Variants in RGS7 observed in about 807,000 individuals in gnomAD.
RGS7 encodes the protein regulator of G-protein signaling 7.
RGS7 carries 27 observed loss-of-function variants against 81.1 expected under a neutral mutation model. The ratio of observed to expected loss-of-function variants is 0.33; its 90% CI spans 0.25 to 0.46. The LOEUF (loss-of-function observed/expected upper bound fraction) is 0.46. RGS7 is among the 20% of genes least tolerant of loss of function. The pLI is 1.00. For synonymous variants in RGS7, 208 were observed against 207.7 expected (o/e 1.00, Z -0.01); for missense variants, 396 against 607.4 (o/e 0.65, Z 3.66).
chr1:241,136,916 C>T (rs1322361571), intron 2 of RGS7, among the ~76,000 whole-genome samples: 1 of 152,166 alleles, frequency 6.6e-6, no homozygotes, highest in Non-Finnish European at 1.5e-5. Context: ...TGAAGATGAG[C>T]TTTCTGTTAA....
At chr1:241,130,603 T>G (rs1356342456) in intron 2 of RGS7, among the ~76,000 whole-genome samples, 1 of 151,988 alleles carries the variant, frequency 6.6e-6, no homozygotes, top group Non-Finnish European at 1.5e-5. Flanking sequence ...CATGACTTCA[T>G]GCCAAAAAAA....
At chr1:240,894,256 G>C (rs1668690320) in intron 6 of RGS7, among the ~76,000 whole-genome samples, 1 of 152,058 alleles carries the variant, frequency 6.6e-6, no homozygotes, top group Non-Finnish European at 1.5e-5. Flanking sequence ...AGTTTGGGGA[G>C]GTGCATCTAT....
Position 240,952,641 on chromosome 1 carries a change from T to G in RGS7, c.227-15935A>C, listed in dbSNP as rs551513213. Among the ~76,000 whole-genome samples, 3 of 152,024 alleles carry G rather than the reference T, an allele frequency of 2.0e-5. No individual in the cohort carries two copies. The South Asian group carries it at 6.2e-4, about 32-fold the overall frequency. On this transcript the variant is annotated intron_variant, in intron 4 of 18. Transcript: ENST00000440928. ...AAAATGCATGTTTTGTCCAAATGCA[T>G]TGCAATACAATGAACAAAATACATA... is the stretch of plus-strand genomic sequence containing the variant.
intron 5 of RGS7, among the ~76,000 whole-genome samples, chr1:240,933,109 C>G (rs1286151192): frequency 2.6e-5 from 4 of 151,050 alleles, no homozygotes; most frequent in East Asian, 2.0e-4. Context: ...GTCTCCATCT[C>G]CTGACCTCGT....
At chr1:240,886,545 C>A (rs1191992298) in intron 6 of RGS7, among the ~76,000 whole-genome samples, 2 of 152,142 alleles carry the variant, frequency 1.3e-5, no homozygotes, top group Non-Finnish European at 2.9e-5. Context: ...AATATCTGAA[C>A]CTGTTTCCAC....
At chr1:241,317,147 C>A (rs2080927934) in intron 2 of RGS7, among the ~76,000 whole-genome samples, 1 of 151,786 alleles carries the variant, frequency 6.6e-6, no homozygotes, top group South Asian at 2.1e-4. Context: ...GATATGGAGC[C>A]CAGAGATGGG....
chr1:241,157,504 A>T (rs984834772), intron 2 of RGS7, among the ~76,000 whole-genome samples: 16 of 152,198 alleles, frequency 1.1e-4, no homozygotes, highest in African/African-American at 3.9e-4. Context: ...ATTGTCACCT[A>T]CACTCAAGTA....
intron 2 of RGS7, among the ~76,000 whole-genome samples, chr1:241,110,261 T>C (rs2102946926): frequency 6.6e-6 from 1 of 152,320 alleles, no homozygotes; most frequent in South Asian, 2.1e-4. Flanking sequence ...TCCGAATCAA[T>C]AGTCTTATCA....
intron 6 of RGS7, among the ~76,000 whole-genome samples, chr1:240,912,678 GGCTTCTTACATA>G (rs1480101808): frequency 6.6e-6 from 1 of 151,776 alleles, no homozygotes; most frequent in African/African-American, 2.4e-5. Context: ...TCCAATTCTG[GGCTTCTTACATA>G]AAGCAATCAT....
chr1:241,224,431 C>T (rs1264209720), intron 2 of RGS7, among the ~76,000 whole-genome samples: 2 of 152,020 alleles, frequency 1.3e-5, no homozygotes. Context: ...TGAACTCATC[C>T]TTTTTGATGG....
intron 2 of RGS7, among the ~76,000 whole-genome samples, chr1:241,288,319 A>G (rs533190168): frequency 6.6e-6 from 1 of 152,190 alleles, no homozygotes; most frequent in African/African-American, 2.4e-5. Context: ...TGATGAGAAG[A>G]TTCAGGATTC....
intron 2 of RGS7, among the ~76,000 whole-genome samples, chr1:241,320,625 A>G (rs915120783): frequency 3.9e-5 from 6 of 152,248 alleles, no homozygotes; most frequent in African/African-American, 1.4e-4. Flanking sequence ...ATTAAATAGT[A>G]TCATTCAATA....
At chr1:241,015,806 T>C (rs1020779302) in intron 3 of RGS7, among the ~76,000 whole-genome samples, 1 of 152,220 alleles carries the variant, frequency 6.6e-6, no homozygotes, top group African/African-American at 2.4e-5. Context: ...GTGATCAATA[T>C]AAGATAATAT....
intron 9 of RGS7, among the ~76,000 whole-genome samples, chr1:240,831,658 G>A (rs562381963): frequency 3.4e-5 from 5 of 145,668 alleles, no homozygotes; most frequent in Non-Finnish European, 6.0e-5. Flanking sequence ...TTCCTGAGAC[G>A]GAGTTTCACT....
At position 241,016,627 on chromosome 1, in the gene RGS7, C is replaced by T. The variant is rs888501329; in HGVS notation, c.176-33498G>A. ...AGAAAACAAGTACCAGAAAAGTGACCGTGTAATCTATATCAATTTAGGGAG... is the reference window on the plus strand; with the variant it reads ...AGAAAACAAGTACCAGAAAAGTGACTGTGTAATCTATATCAATTTAGGGAG... On this transcript the variant is annotated intron_variant, in intron 3 of 18. Coordinates refer to ENST00000440928, the MANE Select transcript of RGS7 (RefSeq NM_001364886.1). Among the ~76,000 whole-genome samples, 7 of 151,878 alleles carry T rather than the reference C, an allele frequency of 4.6e-5. No individual in the cohort carries two copies. In the East Asian group the frequency reaches 5.8e-4, roughly 13 times the overall value.
intron 3 of RGS7, among the ~76,000 whole-genome samples, chr1:241,081,441 C>G (rs1435079224): frequency 1.3e-5 from 2 of 152,250 alleles, no homozygotes; most frequent in African/African-American, 4.8e-5. Flanking sequence ...TTATGCCACT[C>G]CTTAACCTGC....
chr1:241,198,022 C>T (rs1284678163), intron 2 of RGS7, among the ~76,000 whole-genome samples: 1 of 151,720 alleles, frequency 6.6e-6, no homozygotes, highest in African/African-American at 2.4e-5. Context: ...GTATATTTTC[C>T]AACCTAAATG....
intron 2 of RGS7, among the ~76,000 whole-genome samples, chr1:241,350,733 C>T (rs983874884): frequency 1.2e-5 from 1 of 83,002 alleles, no homozygotes; most frequent in African/African-American, 4.9e-5. Context: ...TACAATGAGA[C>T]CCCATCTCAA....
intron 18 of RGS7, among the ~76,000 whole-genome samples, chr1:240,789,239 T>C (rs1365728095): frequency 1.3e-5 from 2 of 152,228 alleles, no homozygotes; most frequent in African/African-American, 4.8e-5. Flanking sequence ...GTCTTTACTT[T>C]AATCTCTTAA....
Sources: gnomAD v4.1 joint callset for allele counts (sites outside exome capture counted in the v4.1 genomes callset) on GRCh38, gnomAD v4.1.1 for gene constraint, MANE v1.5 for transcripts, NCBI Gene and HGNC (gene_info 2026-07-23, HGNC 2026-07-21) for gene names.